The following SLC4A4 variants were observed in gnomAD, a reference collection of about 807,000 sequenced individuals.
SLC4A4 encodes electrogenic sodium bicarbonate cotransporter 1.
SLC4A4 carries 27 observed loss-of-function variants against 111.5 expected under a neutral mutation model. The observed-to-expected ratio is 0.24, with a 90% CI of 0.18 to 0.33. The LOEUF (loss-of-function observed/expected upper bound fraction) is 0.33. SLC4A4 is among the 10% of genes least tolerant of loss of function. SLC4A4 has a pLI of 1.00. For synonymous variants in SLC4A4, 443 were observed against 463.4 expected (o/e 0.96, Z 0.57); for missense variants, 909 against 1,315.5 (o/e 0.69, Z 4.78).
intron 3 of SLC4A4, among the ~76,000 whole-genome samples, chr4:71,275,396 C>G (rs944110486): frequency 1.3e-5 from 2 of 152,172 alleles, no homozygotes; most frequent in African/African-American, 4.8e-5. Context: ...CACTTTCTTT[C>G]TACAATACTT....
chr4:71,253,488 C>T (rs1721222162), intron 2 of SLC4A4, among the ~76,000 whole-genome samples: 1 of 152,030 alleles, frequency 6.6e-6, no homozygotes, highest in African/African-American at 2.4e-5. Context: ...AATTTTTCAA[C>T]CTCTTAATTT....
chr4:71,187,722 G>A (rs897469485), intron 1 of SLC4A4, among the ~76,000 whole-genome samples: 1 of 152,210 alleles, frequency 6.6e-6, no homozygotes, highest in Non-Finnish European at 1.5e-5. Flanking sequence ...GGCCAGTTCT[G>A]CGGCGGGCTG....
intron 1 of SLC4A4, among the ~76,000 whole-genome samples, chr4:71,217,197 T>A (rs925173930): frequency 1.3e-5 from 2 of 152,208 alleles, no homozygotes; most frequent in Non-Finnish European, 2.9e-5. Context: ...TACTAATGAA[T>A]GGGCTGTCAG....
chr4:71,503,536 G>T (rs868313453), intron 16 of SLC4A4, among the ~76,000 whole-genome samples: 10 of 151,934 alleles, frequency 6.6e-5, no homozygotes, highest in Non-Finnish European at 1.5e-4. Flanking sequence ...TCTATTTTAA[G>T]CTGATAACAA....
intron 2 of SLC4A4, among the ~76,000 whole-genome samples, chr4:71,172,891 T>C (rs1379426350): frequency 6.6e-6 from 1 of 152,230 alleles, no homozygotes; most frequent in Non-Finnish European, 1.5e-5. Flanking sequence ...CCACTATGGA[T>C]ACTTTACAAG....
intron 8 of SLC4A4, among the ~76,000 whole-genome samples, 177 bp from the exon 9 acceptor site, chr4:71,447,469 G>A (rs1392213338): frequency 6.6e-6 from 1 of 152,136 alleles, no homozygotes; most frequent in Admixed American, 6.5e-5. Context: ...AATGAACTGT[G>A]TTTTGCAATA....
chr4:71,067,423 A>G (rs1382940134), intron 1 of SLC4A4, among the ~76,000 whole-genome samples: 1 of 152,230 alleles, frequency 6.6e-6, no homozygotes, highest in Non-Finnish European at 1.5e-5. Context: ...TCTAAAACAA[A>G]TATTATTCAA....
intron 2 of SLC4A4, among the ~76,000 whole-genome samples, chr4:71,111,903 G>T (rs1390379654): frequency 6.6e-6 from 1 of 151,892 alleles, no homozygotes; most frequent in Non-Finnish European, 1.5e-5. Context: ...CACCATGTTG[G>T]CCAGGCTGGT....
At chr4:71,562,700 T>G (rs892238014) in intron 23 of SLC4A4, among the ~76,000 whole-genome samples, 1 of 151,842 alleles carries the variant, frequency 6.6e-6, no homozygotes, top group East Asian at 1.9e-4. Context: ...CTTGATTCTA[T>G]CCAATTTGCC....
chr4:71,398,677 AAAG>A (rs1371051172), intron 7 of SLC4A4, among the ~76,000 whole-genome samples: 4 of 152,204 alleles, frequency 2.6e-5, no homozygotes, highest in East Asian at 1.9e-4. Context: ...CATATATTGG[AAAG>A]AAGAAGGAAC....
Position 71,409,491 on chromosome 4 carries a change from A to C in SLC4A4, c.807+11838A>C, listed in dbSNP as rs1721167228. 5.3e-5 allele frequency among the ~76,000 whole-genome samples: 8 copies of C among 152,300 alleles called. No individual in the cohort carries two copies. In the South Asian group the frequency reaches 1.7e-3, roughly 32 times the overall value. The stretch of plus-strand genomic sequence containing the variant: ...TGCCCCTGCCCTAGAGATACGTGAA[A>C]CTTTGAACTTGAGAGAGGTGATTTA... On this transcript the variant is annotated intron_variant, in intron 7 of 25. Coordinates refer to ENST00000264485, the MANE Select transcript of SLC4A4 (RefSeq NM_001098484.3).
intron 16 of SLC4A4, among the ~76,000 whole-genome samples, chr4:71,520,788 A>G (rs557284858): frequency 6.6e-6 from 1 of 152,018 alleles, no homozygotes; most frequent in African/African-American, 2.4e-5. Context: ...CAAATTCAAA[A>G]CATGGTTGAC....
chr4:71,249,432 T>C (rs927257836), intron 2 of SLC4A4, among the ~76,000 whole-genome samples: 3 of 152,134 alleles, frequency 2.0e-5, no homozygotes, highest in African/African-American at 7.2e-5. Flanking sequence ...AAAGGGCTGG[T>C]TTACCCCCTG....
intron 3 of SLC4A4, among the ~76,000 whole-genome samples, chr4:71,328,772 C>G (rs1201684337): frequency 6.6e-6 from 1 of 152,060 alleles, no homozygotes; most frequent in East Asian, 1.9e-4. Context: ...TTTTGGTTGT[C>G]TCTTCACTTT....
At chr4:71,178,400 A>G (rs1429541782) in intron 2 of SLC4A4, among the ~76,000 whole-genome samples, 1 of 152,180 alleles carries the variant, frequency 6.6e-6, no homozygotes, top group Non-Finnish European at 1.5e-5. Context: ...CCCTTCAAAA[A>G]ATCAATGAAT....
At chr4:71,229,216 A>G (rs1331579226) in intron 1 of SLC4A4, among the ~76,000 whole-genome samples, 2 of 152,134 alleles carry the variant, frequency 1.3e-5, no homozygotes, top group African/African-American at 2.4e-5. Context: ...AATTCATTCA[A>G]TTTGGTGTGT....
chr4:71,463,680 G>GGA (rs1727046089), intron 12 of SLC4A4, among the ~76,000 whole-genome samples: 2 of 152,110 alleles, frequency 1.3e-5, no homozygotes, highest in African/African-American at 4.8e-5. Context: ...TTTACCGAAT[G>GGA]AGCAACAATG....
intron 3 of SLC4A4, among the ~76,000 whole-genome samples, chr4:71,268,075 G>GTTTTTT (rs10657146): frequency 0.013 from 1,130 of 87,494 alleles, 125 homozygotes; most frequent in African/African-American, 0.029. Context: ...ATAAAGTAGT[G>GTTTTTT]TTTTTTTTTT....
At chr4:71,435,550 T>C (rs1724053625) in intron 7 of SLC4A4, among the ~76,000 whole-genome samples, 1 of 152,122 alleles carries the variant, frequency 6.6e-6, no homozygotes, top group African/African-American at 2.4e-5. Context: ...AAAGCCAAAA[T>C]TGACAAATGG....
Sources: gnomAD v4.1 joint callset for allele counts (sites outside exome capture counted in the v4.1 genomes callset) on GRCh38, gnomAD v4.1.1 for gene constraint, MANE v1.5 for transcripts, NCBI Gene and HGNC (gene_info 2026-07-23, HGNC 2026-07-21) for gene names.